The following CWF19L1 variants were observed in gnomAD, a reference collection of about 807,000 sequenced individuals.
The protein encoded by CWF19L1 is CWF19-like protein 1.
In CWF19L1, 60 loss-of-function variants were observed where a neutral mutation model predicts 69.7. The ratio of observed to expected loss-of-function variants is 0.86; its 90% CI spans 0.70 to 1.07. CWF19L1 has a LOEUF of 1.07. Ranked by LOEUF, CWF19L1 falls within the 50% of genes least tolerant of loss-of-function variation. The pLI is 0.00. For missense variants in CWF19L1, 591 were observed against 638.9 expected (o/e 0.92, Z 0.81); for synonymous variants, 209 against 222.2 (o/e 0.94, Z 0.53).
chr10:100,255,499 C>T lies in CWF19L1; in HGVS notation c.504+763G>A, dbSNP rs569589305. On this transcript the variant is annotated intron_variant, in intron 5 of 13. Coordinates refer to ENST00000354105, the MANE Select transcript of CWF19L1 (RefSeq NM_018294.6). The stretch of plus-strand genomic sequence containing the variant: ...ATCTCTACTAAAAATACAAAAAAAT[C>T]CGCCTGTAATCCCAGCACTTTGGGA... 3.1e-3 allele frequency among the ~76,000 whole-genome samples: 443 copies of T among 144,160 alleles called. 4 individuals carry two copies. Among genetic ancestry groups the T allele is most frequent in the African/African-American group, 0.011 (432 of 38,784 alleles). The allele number at this position is 144,160 out of a possible 152,430, so 94.6% of individuals were successfully genotyped here. A position where few individuals can be genotyped will look rare whatever the true frequency, so the allele number is the denominator to read the frequency against.
At chr10:100,238,344 T>C in intron 10 of CWF19L1, 113 bp from the exon 11 acceptor site, 1 of 854,802 alleles carries the variant, frequency 1.2e-6, no homozygotes, top group Non-Finnish European at 1.9e-6. Context: ...TACTTGAGGT[T>C]ATTAATAAAA....
At chr10:100,236,719 A>C (rs1846450505) in intron 12 of CWF19L1, 131 bp downstream of exon 12, 1 of 1,110,630 alleles carries the variant, frequency 9.0e-7, no homozygotes, top group Non-Finnish European at 1.2e-6. Flanking sequence ...GCAGTGAGCC[A>C]AGATCATGCC....
intron 1 of CWF19L1, among the ~76,000 whole-genome samples, chr10:100,264,321 G>A (rs544106753): frequency 6.2e-4 from 95 of 152,268 alleles, no homozygotes; most frequent in African/African-American, 2.2e-3. Context: ...CAAGGCGAGC[G>A]GATCACAAGG....
At chr10:100,267,146 G>A (rs1347827838) in intron 1 of CWF19L1, among the ~76,000 whole-genome samples, 9 of 10,588 alleles carry the variant, frequency 8.5e-4, no homozygotes, top group African/African-American at 1.2e-3. Flanking sequence ...CCTCCTCCTC[G>A]CAAAAAAAAA....
rs1847646454 is a variant in CWF19L1, at chr10:100,267,610, G to T, written c.-17C>A. 5 of 1,614,148 alleles carry T rather than the reference G, an allele frequency of 3.1e-6. No homozygotes were observed. The highest frequency in any genetic ancestry group is 1.3e-5 in the African/African-American group (1 of 75,022). ...CTGTGCCATCTGTCCGAATAGTATG[G>T]GTTGCGACTGCCACCTAAAATTGGG... On this transcript the variant is annotated 5_prime_UTR_variant, in exon 1 of 14. Transcript: ENST00000354105.
intron 8 of CWF19L1, 86 bp downstream of exon 8, chr10:100,246,709 T>C: frequency 7.7e-7 from 1 of 1,297,212 alleles, no homozygotes; most frequent in Non-Finnish European, 1.0e-6. Flanking sequence ...AAGATTTAGA[T>C]TCTAACGATT....
intron 11 of CWF19L1, 183 bp from the exon 12 acceptor site, chr10:100,237,152 T>G (rs1434379592): frequency 1.3e-6 from 1 of 773,922 alleles, no homozygotes; most frequent in Non-Finnish European, 2.3e-6. Flanking sequence ...TGAGATAGCC[T>G]GACACATGTG....
chr10:100,249,364 C>T lies in CWF19L1; in HGVS notation c.708+884G>A, dbSNP rs571516852. The stretch of plus-strand genomic sequence containing the variant: ...TTTATCTGCCTATTTTCCCACTTCA[C>T]TAACTGTTCTTATTTTAGCTGTCTC... On this transcript the variant is annotated intron_variant, in intron 7 of 13. Transcript: ENST00000354105. Among the ~76,000 whole-genome samples, 15 of 152,304 alleles carry T rather than the reference C, an allele frequency of 9.8e-5. No homozygotes were observed. The South Asian group carries it at 2.9e-3, about 29-fold the overall frequency.
chr10:100,246,672 T>G lies in CWF19L1; in HGVS notation c.849+123A>C, dbSNP rs4919438. 2.1e-5 allele frequency: 21 copies of G among 999,950 alleles called. No homozygotes were observed. In the South Asian group the frequency reaches 4.2e-4, roughly 20 times the overall value. The allele number at this position is 999,950 out of a possible 1,614,324, so 61.9% of individuals were successfully genotyped here. Reference sequence around the variant, plus strand: ...GAAATCTACTAAGATTTTCTAAACATCATCATGATTTCCCAAGGGGAAAAA... The same window carrying G: ...GAAATCTACTAAGATTTTCTAAACAGCATCATGATTTCCCAAGGGGAAAAA... On this transcript the variant is annotated intron_variant, in intron 8 of 13. Transcript: ENST00000354105.
intron 10 of CWF19L1, among the ~76,000 whole-genome samples, chr10:100,242,963 A>G (rs898298639): frequency 4.6e-5 from 7 of 152,248 alleles, no homozygotes; most frequent in Non-Finnish European, 5.9e-5. Flanking sequence ...GGCTATTGCT[A>G]TAACAAATGT....
chr10:100,249,333 A>C (rs747534624), intron 7 of CWF19L1, among the ~76,000 whole-genome samples: 6 of 152,162 alleles, frequency 3.9e-5, no homozygotes, highest in Non-Finnish European at 8.8e-5. Context: ...AATAATCTTC[A>C]GACTCTTTAT....
intron 13 of CWF19L1, among the ~76,000 whole-genome samples, chr10:100,235,311 T>A (rs948790753): frequency 6.6e-6 from 1 of 152,246 alleles, no homozygotes; most frequent in African/African-American, 2.4e-5. Context: ...GCACAGAGTA[T>A]GTGCTCAATT....
chr10:100,237,333 T>G, intron 11 of CWF19L1: 1 of 477,622 alleles, frequency 2.1e-6, no homozygotes. Context: ...TTTTCTGAGC[T>G]GCTAGCCCCA....
At chr10:100,237,536 C>G (rs991912864) in intron 11 of CWF19L1, among the ~76,000 whole-genome samples, 2 of 152,142 alleles carry the variant, frequency 1.3e-5, no homozygotes, top group Non-Finnish European at 2.9e-5. Context: ...ACACACTTCC[C>G]TGTGAAGTCT....
intron 11 of CWF19L1, 38 bp downstream of exon 11, chr10:100,237,984 A>G: frequency 6.3e-7 from 1 of 1,581,614 alleles, no homozygotes. Context: ...CAAAGTCCCC[A>G]TAGCGCCCTT....
Position 100,256,279 on chromosome 10 carries a change from TC to T in CWF19L1, c.486del (p.Asn163ThrfsTer26). The T allele has an allele frequency of 6.2e-7, 1 of 1,613,948 alleles. No individual in the cohort carries two copies. Among genetic ancestry groups the T allele is most frequent in the Non-Finnish European group, 8.5e-7 (1 of 1,179,878 alleles). The stretch of plus-strand genomic sequence containing the variant: ...CTACTCACAGAAGAATTCCCAAAGT[TC>T]CCCACACACTTGGGCCATGGGGATG... Reference protein sequence around the residue: ...LLTSPWPKCVGNFGNSSGEVD... With the variant: ...LLTSPWPKCVXNFGNSSGEVD... On this transcript the variant is annotated frameshift_variant, in exon 5 of 14. Transcript: ENST00000354105. LOFTEE classifies it high-confidence loss of function.
intron 1 of CWF19L1, among the ~76,000 whole-genome samples, chr10:100,262,730 G>A (rs1447406348): frequency 1.3e-5 from 2 of 152,104 alleles, no homozygotes; most frequent in East Asian, 1.9e-4. Flanking sequence ...AGCTGACATT[G>A]GTAAGGTAAA....
At chr10:100,239,031 G>C (rs1368962006) in intron 10 of CWF19L1, among the ~76,000 whole-genome samples, 2 of 61,570 alleles carry the variant, frequency 3.2e-5, no homozygotes, top group Non-Finnish European at 5.7e-5. Context: ...CACAAAAAAA[G>C]CTAAGATGGC....
chr10:100,249,739 C>T (rs1404173689), intron 7 of CWF19L1, among the ~76,000 whole-genome samples: 2 of 152,106 alleles, frequency 1.3e-5, no homozygotes, highest in Non-Finnish European at 2.9e-5. Flanking sequence ...TGCCCCCCAC[C>T]ACACCTGGCT....
Sources: gnomAD v4.1 joint callset for allele counts (sites outside exome capture counted in the v4.1 genomes callset) on GRCh38, gnomAD v4.1.1 for gene constraint, MANE v1.5 for transcripts, NCBI Gene and HGNC (gene_info 2026-07-23, HGNC 2026-07-21) for gene names.